The following RBFOX1 variants were observed in gnomAD, a reference collection of about 807,000 sequenced individuals.
RBFOX1 encodes the protein RNA binding fox-1 homolog 1.
A neutral mutation model predicts 57.7 loss-of-function variants in RBFOX1; 8 were observed. That is an observed-to-expected ratio of 0.14 (90% CI 0.08 to 0.25). The LOEUF is 0.25. Among genes scored for constraint, RBFOX1 ranks in the 10% least tolerant of loss-of-function variants. RBFOX1 has a pLI of 1.00. For missense variants in RBFOX1, 611 were observed against 548.5 expected, an observed-to-expected ratio of 1.11 and a Z score of -1.14; for synonymous variants, 326 against 222.4, an observed-to-expected ratio of 1.47 and a Z score of -4.15.
chr16:5,316,528 C>A (rs1043775009), intron 1 of RBFOX1, among the ~76,000 whole-genome samples: 1 of 152,202 alleles, frequency 6.6e-6, no homozygotes, highest in East Asian at 1.9e-4. Flanking sequence ...TGATTTCTGA[C>A]TCTGCCATGT....
intron 14 of RBFOX1, among the ~76,000 whole-genome samples, chr16:7,678,844 C>G (rs2074044165): frequency 6.6e-6 from 1 of 152,158 alleles, no homozygotes. Context: ...GGCAACATGT[C>G]CCACTGAAAG....
chr16:5,885,900 A>T (rs1164023727), intron 4 of RBFOX1, among the ~76,000 whole-genome samples: 1 of 151,950 alleles, frequency 6.6e-6, no homozygotes, highest in African/African-American at 2.4e-5. Context: ...TCTCGTGTTG[A>T]ATTGTAATCC....
rs376013191 is a variant in RBFOX1 at position 6,658,357 on chromosome 16, C to T, written c.-16+3707C>T. On this transcript the variant is annotated intron_variant, in intron 3 of 15. Transcript: ENST00000550418. ...CCGGGTTCAAGCGATTCTCCTGCCT[C>T]AGCCTCCTGCCTGGCTAATTTTTGT... Among the ~76,000 whole-genome samples the T allele has an allele frequency of 1.1e-4, 16 of 151,910 alleles. No homozygotes were observed. The Middle Eastern group carries it at 0.01, about 97-fold the overall frequency.
At chr16:5,486,080 C>T (rs1346067066) in intron 2 of RBFOX1, among the ~76,000 whole-genome samples, 1 of 152,150 alleles carries the variant, frequency 6.6e-6, no homozygotes, top group Admixed American at 6.6e-5. Context: ...TTTCTCTCCC[C>T]TGAAGCACTT....
At chr16:5,731,151 A>G (rs2151561772) in intron 3 of RBFOX1, among the ~76,000 whole-genome samples, 1 of 152,276 alleles carries the variant, frequency 6.6e-6, no homozygotes, top group East Asian at 1.9e-4. Context: ...CACCATTATC[A>G]TTACCATCAT....
rs1600372637 is a variant in RBFOX1, at chr16:7,508,373, C to G, written c.28-9774C>G. On this transcript the variant is annotated intron_variant, in intron 4 of 15. Coordinates refer to ENST00000550418, the MANE Select transcript of RBFOX1 (RefSeq NM_018723.4). ...GGAATTGTCCGTCTTGGTCTTGTCT[C>G]TCTTTCCAAGGTTGAAGGACAGAAG... is the stretch of plus-strand genomic sequence containing the variant. Among the ~76,000 whole-genome samples, 3 of 152,272 alleles carry G rather than the reference C, an allele frequency of 2.0e-5. No homozygotes were observed. In the East Asian group the frequency reaches 5.8e-4, roughly 29 times the overall value.
chr16:6,584,782 C>G (rs1390067066), intron 2 of RBFOX1, among the ~76,000 whole-genome samples: 1 of 152,128 alleles, frequency 6.6e-6, no homozygotes, highest in African/African-American at 2.4e-5. Flanking sequence ...CAGCCTGGCA[C>G]CGATCACTGA....
intron 2 of RBFOX1, among the ~76,000 whole-genome samples, chr16:6,450,827 ATATATATATGTG>A (rs2094594845): frequency 1.1e-4 from 4 of 35,834 alleles, no homozygotes; most frequent in African/African-American, 5.6e-4. Flanking sequence ...ACATATATAT[ATATATATATGTG>A]TATATATATA....
intron 5 of RBFOX1, among the ~76,000 whole-genome samples, chr16:7,533,443 C>T (rs1211675473): frequency 1.3e-5 from 2 of 152,170 alleles, no homozygotes; most frequent in African/African-American, 4.8e-5. Flanking sequence ...AAAATTGAGA[C>T]CTATGTCACT....
intron 2 of RBFOX1, among the ~76,000 whole-genome samples, chr16:5,511,296 A>C (rs950950240): frequency 6.6e-6 from 1 of 152,190 alleles, no homozygotes; most frequent in Non-Finnish European, 1.5e-5. Flanking sequence ...TCTTTTCAAA[A>C]GCTAAGAGGA....
At chr16:7,015,753 C>A (rs562685584) in intron 3 of RBFOX1, among the ~76,000 whole-genome samples, 1 of 151,876 alleles carries the variant, frequency 6.6e-6, no homozygotes, top group South Asian at 2.1e-4. Context: ...ATTTTAATAA[C>A]ATTTTCTTTT....
chr16:5,805,325 C>T (rs1422974314), intron 3 of RBFOX1, among the ~76,000 whole-genome samples: 1 of 152,132 alleles, frequency 6.6e-6, no homozygotes, highest in East Asian at 1.9e-4. Context: ...ACTCGTGTGT[C>T]ACAAATATAA....
rs1446484402 is a variant in RBFOX1, at chr16:6,351,370, A to ATT, written c.-64+34314_-64+34315insTT. ...TGTGTGTGTATATATATATATATAT[A>ATT]TATTTTTTTTTTTTTTTCTTGAGGC... On this transcript the variant is annotated intron_variant, in intron 2 of 15. Transcript: ENST00000550418. 9.5e-3 allele frequency among the ~76,000 whole-genome samples: 952 copies of ATT among 100,446 alleles called. 19 individuals carry two copies. Among genetic ancestry groups the ATT allele is most frequent in the Middle Eastern group, 0.04 (7 of 176 alleles). The allele number at this position is 100,446 out of a possible 152,430, so 65.9% of individuals were successfully genotyped here.
intron 2 of RBFOX1, among the ~76,000 whole-genome samples, chr16:6,434,433 AC>A (rs1213801698): frequency 6.6e-6 from 1 of 152,016 alleles, no homozygotes; most frequent in Non-Finnish European, 1.5e-5. Flanking sequence ...GGCCCATCCC[AC>A]AGTTTTTCCC....
At chr16:7,551,351 G>A (rs2086462286) in intron 5 of RBFOX1, among the ~76,000 whole-genome samples, 1 of 152,206 alleles carries the variant, frequency 6.6e-6, no homozygotes, top group Admixed American at 6.5e-5. Flanking sequence ...AGGGGAAGCA[G>A]ATGAGATGTA....
At chr16:6,441,398 T>TCTTTG (rs1296060016) in intron 2 of RBFOX1, among the ~76,000 whole-genome samples, 123 of 152,128 alleles carry the variant, frequency 8.1e-4, no homozygotes, top group African/African-American at 2.6e-3. Flanking sequence ...TTTTCTTGTT[T>TCTTTG]TTTTGTTTTG....
At chr16:5,711,716 G>C (rs901128385) in intron 3 of RBFOX1, among the ~76,000 whole-genome samples, 1 of 152,120 alleles carries the variant, frequency 6.6e-6, no homozygotes, top group Non-Finnish European at 1.5e-5. Context: ...CAGGAAAATG[G>C]GAATTCAATA....
At position 7,667,894 on chromosome 16, in the gene RBFOX1, G is replaced by A. The variant is rs1028065995; in HGVS notation, c.930+2926G>A. On this transcript the variant is annotated intron_variant, in intron 13 of 15. Transcript: ENST00000550418. The stretch of plus-strand genomic sequence containing the variant: ...TCACCATGTTGGCCAGGGTGGTCTG[G>A]AACTCCTGACCTCAAGTGATCCATC... Among the ~76,000 whole-genome samples, 4 of 152,062 alleles carry A rather than the reference G, an allele frequency of 2.6e-5. No homozygotes were observed. The East Asian group carries it at 7.8e-4, about 30-fold the overall frequency.
At chr16:6,503,497 A>C (rs1374252808) in intron 2 of RBFOX1, among the ~76,000 whole-genome samples, 2 of 152,190 alleles carry the variant, frequency 1.3e-5, no homozygotes, top group African/African-American at 4.8e-5. Context: ...TGATGGTTTC[A>C]TCTGGGTTTA....
Sources: gnomAD v4.1 joint callset for allele counts (sites outside exome capture counted in the v4.1 genomes callset) on GRCh38, gnomAD v4.1.1 for gene constraint, MANE v1.5 for transcripts, NCBI Gene and HGNC (gene_info 2026-07-23, HGNC 2026-07-21) for gene names.